The following PDPR variants were observed in gnomAD, a reference collection of about 807,000 sequenced individuals.
The protein encoded by PDPR is pyruvate dehydrogenase phosphatase regulatory subunit, mitochondrial.
In PDPR, 50 loss-of-function variants were observed where a neutral mutation model predicts 102.2. The observed-to-expected ratio is 0.49, with a 90% CI of 0.39 to 0.62. The LOEUF (loss-of-function observed/expected upper bound fraction) is 0.62. Among genes scored for constraint, PDPR ranks in the 20% least tolerant of loss-of-function variants. The pLI, the probability that PDPR is intolerant of heterozygous loss-of-function variation, is 0.00. For missense variants in PDPR, 625 were observed against 1,098.2 expected, an observed-to-expected ratio of 0.57 and a Z score of 6.09; for synonymous variants, 259 against 406.0, an observed-to-expected ratio of 0.64 and a Z score of 4.35.
At chr16:70,115,432 A>C (rs1009637009) in intron 2 of PDPR, among the ~76,000 whole-genome samples, 30 of 152,288 alleles carry the variant, frequency 2.0e-4, no homozygotes, top group African/African-American at 5.5e-4. Flanking sequence ...AACTTGTGTT[A>C]ATTTCTTAAA....
intron 7 of PDPR, among the ~76,000 whole-genome samples, 157 bp from the exon 8 acceptor site, chr16:70,131,145 C>T (rs1441436307): frequency 1.3e-5 from 2 of 152,148 alleles, no homozygotes; most frequent in Non-Finnish European, 2.9e-5. Flanking sequence ...GTATTGCTCC[C>T]CATCCAAATA....
chr16:70,115,521 G>A (rs938241457), intron 2 of PDPR, among the ~76,000 whole-genome samples: 4 of 152,218 alleles, frequency 2.6e-5, no homozygotes, highest in Non-Finnish European at 4.4e-5. Context: ...GAGGTGGACC[G>A]TGGGAATCTG....
rs968381793 is a variant in PDPR, at chr16:70,161,067, G to C, written c.*4188G>C. ...CTACAAGATTCAGCTTTATATCTCT[G>C]TTGCTTCTTGGCCAGTGTAGTCAAT... On this transcript the variant is annotated 3_prime_UTR_variant, in exon 19 of 19. Coordinates refer to ENST00000288050, the MANE Select transcript of PDPR (RefSeq NM_017990.5). 2.0e-5 allele frequency: 3 copies of C among 152,748 alleles called. No individual in the cohort carries two copies. The highest frequency in any genetic ancestry group is 6.5e-5 in the Admixed American group (1 of 15,308). The allele number at this position is 152,748 out of a possible 1,614,324, so 9.5% of individuals were successfully genotyped here.
chr16:70,155,262 CTATT>C lies in PDPR; in HGVS notation c.2236-1210_2236-1207del, dbSNP rs1447700607. Among the ~76,000 whole-genome samples the C allele has an allele frequency of 5.9e-5, 9 of 151,844 alleles. No homozygotes were observed. The South Asian group carries it at 1.2e-3, about 21-fold the overall frequency. On this transcript the variant is annotated intron_variant, in intron 18 of 18. Transcript: ENST00000288050. ...GAAATTAAAATCACCCATATTTTGT[CTATT>C]TAATGGTAGTAACTATTTTTTTTTT... is the stretch of plus-strand genomic sequence containing the variant.
intron 3 of PDPR, among the ~76,000 whole-genome samples, chr16:70,122,515 C>T (rs62053472): frequency 0.23 from 33,394 of 143,420 alleles, 1,150 homozygotes; most frequent in Non-Finnish European, 0.31. Flanking sequence ...GCTGTCCTGT[C>T]TCACTTCTGG....
intron 9 of PDPR, 95 bp from the exon 10 acceptor site, chr16:70,136,099 T>C (rs1567540205): frequency 1.0e-6 from 1 of 995,340 alleles, no homozygotes; most frequent in Non-Finnish European, 1.4e-6. Flanking sequence ...TCAAGAGGTT[T>C]TCTGAAAGGG....
intron 2 of PDPR, chr16:70,120,162 G>A (rs1422126742): frequency 4.4e-5 from 12 of 273,026 alleles, no homozygotes; most frequent in African/African-American, 6.6e-5. Context: ...TTATCCACTC[G>A]CCGCGGCCTC....
In PDPR at chr16:70,159,003, A is replaced by G. The variant is rs1967513526; in HGVS notation, c.*2124A>G. Reference sequence around the variant, plus strand: ...ATTTGTGCTTTAACTGTTACATAGCAGTATCACCACTTACCAGGATCCAAA... The same window carrying G: ...ATTTGTGCTTTAACTGTTACATAGCGGTATCACCACTTACCAGGATCCAAA... On this transcript the variant is annotated 3_prime_UTR_variant, in exon 19 of 19. Coordinates refer to ENST00000288050, the MANE Select transcript of PDPR (RefSeq NM_017990.5). 1 of 152,504 alleles carries G rather than the reference A, an allele frequency of 6.6e-6. No homozygotes were observed. The highest frequency in any genetic ancestry group is 2.4e-5 in the African/African-American group (1 of 41,608). The allele number at this position is 152,504 out of a possible 1,614,324, so 9.4% of individuals were successfully genotyped here. A position where few individuals can be genotyped will look rare whatever the true frequency, so the allele number is the denominator to read the frequency against.
At chr16:70,133,202 C>A (rs934833427) in intron 9 of PDPR, among the ~76,000 whole-genome samples, 13 of 150,828 alleles carry the variant, frequency 8.6e-5, no homozygotes, top group East Asian at 2.0e-4. Context: ...GCAACCTCTG[C>A]CTCCCCGGTT....
chr16:70,125,593 A>G (rs1437126420), intron 3 of PDPR, among the ~76,000 whole-genome samples: 1 of 149,680 alleles, frequency 6.7e-6, no homozygotes, highest in South Asian at 2.1e-4. Flanking sequence ...ATATATATGT[A>G]AAAGAGTATA....
At position 70,156,815 on chromosome 16, in the gene PDPR, C is replaced by T. The variant is rs763698085; in HGVS notation, c.2576C>T (p.Ala859Val). Residue 859 changes from alanine (A) to valine (V), a missense_variant, in exon 19 of 19, where the codon GCC becomes GTC. Transcript: ENST00000288050. ...FQAKAKLYPV[A>V]SLFTQKRRKD... ...GCCAAGGCCAAGCTCTACCCTGTCGCCTCCCTCTTCACCCAGAAGCGCCGA... is the reference window on the plus strand; with the variant it reads ...GCCAAGGCCAAGCTCTACCCTGTCGTCTCCCTCTTCACCCAGAAGCGCCGA... 1 of 1,614,072 alleles carries T rather than the reference C, an allele frequency of 6.2e-7. No individual in the cohort carries two copies. Among genetic ancestry groups the T allele is most frequent in the Non-Finnish European group, 8.5e-7 (1 of 1,179,902 alleles).
intron 18 of PDPR, 150 bp downstream of exon 18, chr16:70,153,723 G>A (rs1316192844): frequency 1.1e-6 from 1 of 873,406 alleles, no homozygotes; most frequent in Non-Finnish European, 1.7e-6. Flanking sequence ...AGAGTGCCCT[G>A]AGAATGAAAA....
In PDPR at chr16:70,157,464, G is replaced by A. The variant is rs1204355641; in HGVS notation, c.*585G>A. ...CACTGATAAGAGGCATCGCATGGAC[G>A]TTCTCTGGTCTGTAGTGGAGACAAG... On this transcript the variant is annotated 3_prime_UTR_variant, in exon 19 of 19. Transcript: ENST00000288050. The A allele has an allele frequency of 3.2e-5, 11 of 342,884 alleles. No individual in the cohort carries two copies. The highest frequency in any genetic ancestry group is 2.4e-4 in the South Asian group (10 of 41,742). The allele number at this position is 342,884 out of a possible 1,614,324, so 21.2% of individuals were successfully genotyped here. A position where few individuals can be genotyped will look rare whatever the true frequency, so the allele number is the denominator to read the frequency against.
At chr16:70,135,628 C>T (rs777943771) in intron 9 of PDPR, among the ~76,000 whole-genome samples, 4 of 152,382 alleles carry the variant, frequency 2.6e-5, no homozygotes, top group African/African-American at 4.8e-5. Context: ...TCTGTAGATA[C>T]GTTTTACTTG....
At chr16:70,118,547 A>G (rs1264109710) in intron 2 of PDPR, among the ~76,000 whole-genome samples, 4 of 152,248 alleles carry the variant, frequency 2.6e-5, no homozygotes, top group African/African-American at 4.8e-5. Context: ...GCCATTTGGC[A>G]GCAGCAGTTC....
At chr16:70,153,274 T>G in intron 17 of PDPR, 117 bp from the exon 18 acceptor site, 3 of 1,173,962 alleles carry the variant, frequency 2.6e-6, no homozygotes, top group Admixed American at 5.5e-5. Flanking sequence ...ATCCTGGGAG[T>G]TTTATACGCC....
At chr16:70,138,614 A>G (rs1176669253) in intron 10 of PDPR, among the ~76,000 whole-genome samples, 2 of 152,196 alleles carry the variant, frequency 1.3e-5, no homozygotes, top group African/African-American at 2.4e-5. Context: ...CAGCCTCCCA[A>G]AGTTCTGGGA....
chr16:70,129,935 A>G (rs908665188), intron 6 of PDPR, among the ~76,000 whole-genome samples: 5 of 152,266 alleles, frequency 3.3e-5, no homozygotes, highest in Non-Finnish European at 5.9e-5. Flanking sequence ...GCTATTTTCA[A>G]TCTTGAACAA....
intron 16 of PDPR, 79 bp from the exon 17 acceptor site, chr16:70,148,385 A>T (rs1410536846): frequency 1.0e-6 from 1 of 975,614 alleles, no homozygotes; most frequent in East Asian, 2.6e-5. Context: ...GTGCAGCACT[A>T]ATGAAAGGTT....
Sources: gnomAD v4.1 joint callset for allele counts (sites outside exome capture counted in the v4.1 genomes callset) on GRCh38, gnomAD v4.1.1 for gene constraint, MANE v1.5 for transcripts, NCBI Gene and HGNC (gene_info 2026-07-23, HGNC 2026-07-21) for gene names.